The following DTNBP1 variants were observed in gnomAD, a reference collection of about 807,000 sequenced individuals.
The protein encoded by DTNBP1 is dystrobrevin binding protein 1, also known as dysbindin.
In DTNBP1, 35 loss-of-function variants were observed where a neutral mutation model predicts 42.8. The observed-to-expected ratio is 0.82, with a 90% CI of 0.63 to 1.09. The LOEUF is 1.09. Ranked by LOEUF, DTNBP1 falls within the 50% of genes least tolerant of loss-of-function variation. DTNBP1 has a pLI of 0.00. For synonymous variants in DTNBP1, 171 were observed against 162.2 expected (o/e 1.05, Z -0.41); for missense variants, 457 against 424.2 (o/e 1.08, Z -0.68).
At chr6:15,635,606 CAT>C (rs1216619484) in intron 4 of DTNBP1, among the ~76,000 whole-genome samples, 1 of 152,222 alleles carries the variant, frequency 6.6e-6, no homozygotes, top group African/African-American at 2.4e-5. Flanking sequence ...TGGGCTAACT[CAT>C]ATGAAACTGC....
At chr6:15,584,705 C>CTTTTTTTTTT (rs147548247) in intron 7 of DTNBP1, among the ~76,000 whole-genome samples, 7 of 86,432 alleles carry the variant, frequency 8.1e-5, no homozygotes, top group Non-Finnish European at 1.5e-4. Context: ...ACATGTATTT[C>CTTTTTTTTTT]TTTTTTTTTT....
intron 8 of DTNBP1, among the ~76,000 whole-genome samples, chr6:15,531,306 G>A (rs1485017612): frequency 1.3e-5 from 2 of 152,136 alleles, no homozygotes; most frequent in Non-Finnish European, 2.9e-5. Context: ...AAAAATCCCT[G>A]GAGCAAACCC....
intron 7 of DTNBP1, among the ~76,000 whole-genome samples, chr6:15,543,201 T>C (rs576139045): frequency 5.9e-5 from 9 of 152,328 alleles, no homozygotes; most frequent in South Asian, 2.1e-4. Context: ...AGGATGACTA[T>C]ATGAAATTGC....
chr6:15,549,311 C>A (rs1182703507), intron 7 of DTNBP1, among the ~76,000 whole-genome samples: 2 of 151,760 alleles, frequency 1.3e-5, no homozygotes, highest in African/African-American at 4.8e-5. Context: ...ATGGTGAAAC[C>A]CTGTCTCTAC....
chr6:15,630,011 T>G (rs1349213995), intron 4 of DTNBP1, among the ~76,000 whole-genome samples: 1 of 152,190 alleles, frequency 6.6e-6, no homozygotes, highest in Non-Finnish European at 1.5e-5. Context: ...TTTTTCCACC[T>G]CGAAGTAACT....
intron 7 of DTNBP1, among the ~76,000 whole-genome samples, chr6:15,544,540 C>G (rs1773764524): frequency 6.6e-6 from 1 of 152,210 alleles, no homozygotes; most frequent in African/African-American, 2.4e-5. Flanking sequence ...CTGTGTGAGT[C>G]AGCTAGTTTC....
rs1760116992 is a variant in DTNBP1, at chr6:15,637,786, A to G, written c.180T>C (p.Ala60=). 1 of 1,613,654 alleles carries G rather than the reference A, an allele frequency of 6.2e-7. No homozygotes were observed. The highest frequency in any genetic ancestry group is 8.5e-7 in the Non-Finnish European group (1 of 1,180,014). ...AGTCTTTGGCTCTTCTGTGAAGTGC[A>G]GCCCATGTATCCTCATACCTAAAAA... The part of the protein sequence containing the change: ...ELLSRYEDTW[A]ALHRRAKDCA... Residue 60 remains alanine, a synonymous_variant, in exon 4 of 10, where the codon GCT becomes GCC. Coordinates refer to ENST00000344537, the MANE Select transcript of DTNBP1 (RefSeq NM_032122.5).
intron 3 of DTNBP1, among the ~76,000 whole-genome samples, chr6:15,650,303 G>A (rs544317007): frequency 7.9e-5 from 12 of 152,106 alleles, no homozygotes; most frequent in African/African-American, 7.2e-5. Context: ...ATGGAGTTTC[G>A]CTCTTGTTGC....
intron 6 of DTNBP1, among the ~76,000 whole-genome samples, chr6:15,596,552 C>T: frequency 6.6e-6 from 1 of 152,140 alleles, no homozygotes; most frequent in Non-Finnish European, 1.5e-5. Flanking sequence ...TAGTGTTCTC[C>T]CACCTCCTCA....
intron 9 of DTNBP1, chr6:15,524,047 A>T: frequency 7.7e-7 from 1 of 1,295,686 alleles, no homozygotes; most frequent in Non-Finnish European, 1.0e-6. Context: ...TTGTGAAGGG[A>T]TGAAAGGAAC....
intron 6 of DTNBP1, among the ~76,000 whole-genome samples, chr6:15,593,456 GATAA>G (rs1776380898): frequency 6.6e-6 from 1 of 152,146 alleles, no homozygotes; most frequent in Admixed American, 6.5e-5. Flanking sequence ...TTCCTTGATG[GATAA>G]ATATTCAATA....
At chr6:15,545,503 A>C (rs558238981) in intron 7 of DTNBP1, among the ~76,000 whole-genome samples, 323 of 152,250 alleles carry the variant, frequency 2.1e-3, no homozygotes, top group African/African-American at 7.2e-3. Flanking sequence ...ACACACACAC[A>C]CCCTTTACAC....
At chr6:15,574,158 GA>G (rs2113539194) in intron 7 of DTNBP1, among the ~76,000 whole-genome samples, 1 of 152,274 alleles carries the variant, frequency 6.6e-6, no homozygotes, top group South Asian at 2.1e-4. Flanking sequence ...AAAACACAAA[GA>G]GTTACAAGGA....
rs1436036796 is a variant in DTNBP1, at chr6:15,662,967, GCCCCGCACTCCCACTACCGGCCCCGCC to G, written c.-125_-99del. ...CGCCAACCCCGCGCTGTCACCGCGC[GCCCCGCACTCCCACTACCGGCCCCGCC>G]CCCGGTCTGGTCCTCGCCGCCGCGC... On this transcript the variant is annotated 5_prime_UTR_variant, in exon 1 of 10. Coordinates refer to ENST00000344537, the MANE Select transcript of DTNBP1 (RefSeq NM_032122.5). The G allele has an allele frequency of 6.5e-7, 1 of 1,538,206 alleles. No homozygotes were observed. Among genetic ancestry groups the G allele is most frequent in the African/African-American group, 1.4e-5 (1 of 73,078 alleles).
intron 7 of DTNBP1, among the ~76,000 whole-genome samples, chr6:15,585,423 A>T (rs996329164): frequency 6.6e-6 from 1 of 150,730 alleles, no homozygotes; most frequent in Non-Finnish European, 1.5e-5. Context: ...ATTTCACCTG[A>T]TGCATGAAAA....
In DTNBP1 at chr6:15,615,400, C is replaced by T. The variant is rs770651383; in HGVS notation, c.356-1G>A. ...TCCTCAAAACTCGCCTCTAAATGAG[C>T]TGAAAGTATATAAAAATAAACAGAC... On this transcript the variant is annotated splice_acceptor_variant, in intron 5 of 9. Coordinates refer to ENST00000344537, the MANE Select transcript of DTNBP1 (RefSeq NM_032122.5). LOFTEE classifies it high-confidence loss of function. 2 of 1,613,900 alleles carry T rather than the reference C, an allele frequency of 1.2e-6. No individual in the cohort carries two copies. The highest frequency in any genetic ancestry group is 2.2e-5 in the South Asian group (2 of 91,086).
chr6:15,564,403 CTTTCT>C (rs1446612016), intron 7 of DTNBP1, among the ~76,000 whole-genome samples: 2 of 151,688 alleles, frequency 1.3e-5, no homozygotes, highest in Non-Finnish European at 2.9e-5. Flanking sequence ...AAAATTTTTC[CTTTCT>C]TTTTTTTTGA....
intron 6 of DTNBP1, among the ~76,000 whole-genome samples, chr6:15,606,036 C>G (rs1193704063): frequency 6.6e-6 from 1 of 152,210 alleles, no homozygotes; most frequent in Non-Finnish European, 1.5e-5. Context: ...TGGCACTTTT[C>G]TCAGATAACT....
At chr6:15,580,471 CAA>C (rs1475646947) in intron 7 of DTNBP1, among the ~76,000 whole-genome samples, 1 of 152,084 alleles carries the variant, frequency 6.6e-6, no homozygotes, top group East Asian at 1.9e-4. Flanking sequence ...TATTACAGCA[CAA>C]GTTATGCTTA....
Sources: allele counts gnomAD v4.1 joint callset (sites outside exome capture counted in the v4.1 genomes callset), GRCh38; gene constraint gnomAD v4.1.1; transcripts MANE v1.5; gene names NCBI Gene and HGNC (gene_info 2026-07-23, HGNC 2026-07-21).